The following FAAH2 variants were observed in gnomAD, a reference collection of about 807,000 sequenced individuals.
FAAH2 encodes fatty acid amide hydrolase 2, also known as fatty-acid amide hydrolase 2.
A neutral mutation model predicts 36.9 loss-of-function variants in FAAH2; 60 were observed. The observed-to-expected ratio is 1.63, with a 90% CI of 1.32 to 2.02. The LOEUF (loss-of-function observed/expected upper bound fraction) is 2.02. Among genes scored for constraint, FAAH2 ranks in the 30% most tolerant of loss-of-function variants. The pLI, the probability that FAAH2 is intolerant of heterozygous loss-of-function variation, is 0.00. For missense variants in FAAH2, 689 were observed against 397.5 expected, an observed-to-expected ratio of 1.73 and a Z score of -6.23; for synonymous variants, 214 against 143.8, an observed-to-expected ratio of 1.49 and a Z score of -3.49.
At chrX:57,329,828 G>C (rs1159537947) in intron 3 of FAAH2, among the ~76,000 whole-genome samples, 11 of 111,506 alleles carry the variant, frequency 9.9e-5, no homozygotes, top group Non-Finnish European at 1.9e-4. Context: ...ACATTTATTA[G>C]TTCCCCAAAT....
chrX:57,407,962 A>G (rs1177983396), intron 7 of FAAH2, among the ~76,000 whole-genome samples: 1 of 111,889 alleles, frequency 8.9e-6, no homozygotes, highest in Non-Finnish European at 1.9e-5. Flanking sequence ...TTGACTTTAT[A>G]CACATGGATT....
Position 57,317,589 on chromosome X carries a change from C to T in FAAH2, c.412+6860C>T, listed in dbSNP as rs749062227. 1.1e-4 allele frequency among the ~76,000 whole-genome samples: 12 copies of T among 111,543 alleles called. No homozygotes were observed. In the East Asian group the frequency reaches 3.4e-3, roughly 31 times the overall value. On this transcript the variant is annotated intron_variant, in intron 3 of 10. Transcript: ENST00000374900. ...GTGGGAGACTTTAACACCCCACTGT[C>T]ACTATTAGACAGATCAACAAGACAG...
At chrX:57,313,874 A>G (rs1166015556) in intron 3 of FAAH2, among the ~76,000 whole-genome samples, 1 of 111,388 alleles carries the variant, frequency 9.0e-6, no homozygotes, top group African/African-American at 3.3e-5. Context: ...AGCTAATAGC[A>G]TGACTTGAAT....
At chrX:57,181,416 A>G in the FAAH2 span, among the ~76,000 whole-genome samples, 51 of 111,741 alleles carry the variant, frequency 4.6e-4, no homozygotes, top group Non-Finnish European at 8.7e-4. Flanking sequence ...AATGTACAAA[A>G]ATCGCTATCG....
At chrX:57,412,595 T>C (rs1255270676) in intron 7 of FAAH2, among the ~76,000 whole-genome samples, 1 of 112,344 alleles carries the variant, frequency 8.9e-6, no homozygotes, top group East Asian at 2.8e-4. Flanking sequence ...GGTGTATATG[T>C]GCCACATTTT....
chrX:57,205,164 A>T, the FAAH2 span, among the ~76,000 whole-genome samples: 1 of 112,694 alleles, frequency 8.9e-6, no homozygotes, highest in Admixed American at 9.4e-5. Flanking sequence ...ATCTTCGAGG[A>T]CTAACTCCTC....
chrX:57,172,770 C>A, the FAAH2 span, among the ~76,000 whole-genome samples: 1 of 111,753 alleles, frequency 8.9e-6, no homozygotes, highest in Non-Finnish European at 1.9e-5. Flanking sequence ...TGCCTCATTC[C>A]ACTGGTTGAT....
intron 4 of FAAH2, among the ~76,000 whole-genome samples, chrX:57,337,439 C>A (rs1233105837): frequency 1.8e-5 from 2 of 110,773 alleles, no homozygotes; most frequent in African/African-American, 6.6e-5. Flanking sequence ...GAAAACCTGG[C>A]AGAGAAAAAA....
chrX:57,365,344 G>T (rs1197513235), intron 5 of FAAH2, among the ~76,000 whole-genome samples: 2 of 111,914 alleles, frequency 1.8e-5, no homozygotes, highest in African/African-American at 6.5e-5. Flanking sequence ...TGACATTCAT[G>T]GTTGGAATTT....
intron 6 of FAAH2, among the ~76,000 whole-genome samples, chrX:57,379,568 C>CAT (rs1386648236): frequency 1.6e-4 from 17 of 107,555 alleles, no homozygotes; most frequent in Admixed American, 6.0e-4. Flanking sequence ...CACACACACA[C>CAT]GTGTGCGCAC....
Position 57,402,989 on chromosome X carries a change from A to G in FAAH2, c.996+21960A>G, listed in dbSNP as rs1387333680. On this transcript the variant is annotated intron_variant, in intron 7 of 10. Coordinates refer to ENST00000374900, the MANE Select transcript of FAAH2 (RefSeq NM_174912.4). Reference sequence around the variant, plus strand: ...GGTTAGTGTCTGATCTAGCAGTAACATTATATGTCTCCATGTCAGATCAAA... The same window carrying G: ...GGTTAGTGTCTGATCTAGCAGTAACGTTATATGTCTCCATGTCAGATCAAA... Among the ~76,000 whole-genome samples, 3 of 112,198 alleles carry G rather than the reference A, an allele frequency of 2.7e-5. No individual in the cohort carries two copies. In the Admixed American group the frequency reaches 2.8e-4, roughly 11 times the overall value.
the FAAH2 span, among the ~76,000 whole-genome samples, chrX:57,180,365 G>T: frequency 9.0e-6 from 1 of 111,250 alleles, no homozygotes; most frequent in Non-Finnish European, 1.9e-5. Flanking sequence ...CTGCTAGCTG[G>T]ACTCATAAAA....
intron 7 of FAAH2, 72 bp downstream of exon 7, chrX:57,381,101 C>T: frequency 1.3e-6 from 1 of 742,138 alleles, no homozygotes; most frequent in Admixed American, 3.1e-5. Context: ...CTTTACTTCA[C>T]TTACTGCCAA....
In FAAH2 at chrX:57,417,636, C is replaced by G. The variant is rs193260821; in HGVS notation, c.997-14282C>G. Among the ~76,000 whole-genome samples the G allele has an allele frequency of 3.6e-5, 4 of 111,560 alleles. No individual in the cohort carries two copies. In the Admixed American group the frequency reaches 3.8e-4, roughly 11 times the overall value. ...CAGCGGGGCAACTTCCAGATGCCAG[C>G]CACATGTGTCCTGTATGAGGTGTCT... is the stretch of plus-strand genomic sequence containing the variant. On this transcript the variant is annotated intron_variant, in intron 7 of 10. Transcript: ENST00000374900.
chrX:57,398,648 A>G (rs184554598), intron 7 of FAAH2, among the ~76,000 whole-genome samples: 240 of 110,404 alleles, frequency 2.2e-3, no homozygotes, highest in African/African-American at 7.2e-3. Context: ...TCAAATGTCT[A>G]GGTTTTATAT....
At chrX:57,470,958 C>T (rs1206522266) in intron 10 of FAAH2, among the ~76,000 whole-genome samples, 6 of 111,716 alleles carry the variant, frequency 5.4e-5, no homozygotes, top group African/African-American at 1.6e-4. Context: ...AATCAATAAA[C>T]GTAATCCAGC....
At chrX:57,441,463 T>C (rs1311333595) in intron 8 of FAAH2, among the ~76,000 whole-genome samples, 1 of 111,551 alleles carries the variant, frequency 9.0e-6, no homozygotes, top group Non-Finnish European at 1.9e-5. Context: ...TTTATCATTT[T>C]TTATTGCATC....
the FAAH2 span, among the ~76,000 whole-genome samples, chrX:57,210,850 C>A: frequency 8.9e-6 from 1 of 112,401 alleles, no homozygotes; most frequent in East Asian, 2.8e-4. Flanking sequence ...TGTAGAAATC[C>A]CCATCAAAGT....
chrX:57,485,929 T>G (rs1179088478), intron 10 of FAAH2, among the ~76,000 whole-genome samples: 1 of 111,939 alleles, frequency 8.9e-6, no homozygotes, highest in Non-Finnish European at 1.9e-5. Context: ...GACCAACTGA[T>G]AGCAACCCTG....
Sources: gnomAD v4.1 joint callset for allele counts (sites outside exome capture counted in the v4.1 genomes callset) on GRCh38, gnomAD v4.1.1 for gene constraint, MANE v1.5 for transcripts, NCBI Gene and HGNC (gene_info 2026-07-23, HGNC 2026-07-21) for gene names.